Variants in EPC1 observed in about 807,000 individuals in gnomAD.
The protein encoded by EPC1 is enhancer of polycomb homolog 1.
Under a neutral mutation model 98.4 loss-of-function variants are expected in EPC1, and 12 were observed. The ratio of observed to expected loss-of-function variants is 0.12; its 90% CI spans 0.08 to 0.20. The LOEUF is 0.20. EPC1 is among the 10% of genes least tolerant of loss of function. EPC1 has a pLI of 1.00. For missense variants in EPC1, 729 were observed against 990.5 expected (o/e 0.74, Z 3.54); for synonymous variants, 357 against 363.9 (o/e 0.98, Z 0.21).
intron 1 of EPC1, among the ~76,000 whole-genome samples, chr10:32,336,804 C>G (rs1420623341): frequency 6.6e-6 from 1 of 152,050 alleles, no homozygotes; most frequent in African/African-American, 2.4e-5. Context: ...TTAAATGGAT[C>G]CAGGAGAGAC....
chr10:32,326,178 C>T (rs781460277), intron 1 of EPC1, among the ~76,000 whole-genome samples: 4 of 152,124 alleles, frequency 2.6e-5, no homozygotes, highest in African/African-American at 9.7e-5. Context: ...TACACAAAAA[C>T]GAATACTGAA....
intron 1 of EPC1, among the ~76,000 whole-genome samples, chr10:32,364,001 CATTTTTTTTT>C (rs1161123966): frequency 9.7e-5 from 6 of 61,838 alleles, no homozygotes; most frequent in African/African-American, 1.1e-4. Flanking sequence ...ATCATGTTGG[CATTTTTTTTT>C]TTTTTTTTTT....
At chr10:32,297,246 C>A (rs12219178) in intron 2 of EPC1, among the ~76,000 whole-genome samples, 1 of 149,276 alleles carries the variant, frequency 6.7e-6, no homozygotes, top group Non-Finnish European at 1.5e-5. Context: ...TAATTAAGTT[C>A]TATCAATTAA....
At chr10:32,301,083 TA>T (rs1395517122) in intron 2 of EPC1, among the ~76,000 whole-genome samples, 56 of 151,274 alleles carry the variant, frequency 3.7e-4, no homozygotes, top group African/African-American at 1.3e-3. Context: ...TCTATCTATC[TA>T]TCTATCTGCC....
chr10:32,351,645 C>T (rs189844939), upstream of EPC1, among the ~76,000 whole-genome samples: 79 of 151,398 alleles, frequency 5.2e-4, no homozygotes, highest in Non-Finnish European at 1.0e-3. Context: ...GCAATAAGAG[C>T]GAAACTCCAT....
upstream of EPC1, among the ~76,000 whole-genome samples, chr10:32,348,596 C>T (rs183779860): frequency 6.6e-6 from 1 of 152,274 alleles, no homozygotes; most frequent in Admixed American, 6.5e-5. Flanking sequence ...TACTTAAACT[C>T]CGATATTGGC....
At position 32,268,585 on chromosome 10, in the gene EPC1, A is replaced by C. The variant is rs1018698294; in HGVS notation, c.*478T>G. 1 of 152,118 alleles carries C rather than the reference A, an allele frequency of 6.6e-6. No homozygotes were observed. The highest frequency in any genetic ancestry group is 2.4e-5 in the African/African-American group (1 of 41,372). 9.4% of individuals were successfully genotyped at this position (152,118 alleles called of 1,614,324 possible). A position where few individuals can be genotyped will look rare whatever the true frequency, so the allele number is the denominator to read the frequency against. ...ACCAAGGAGTCCACAGCTACCTAACACATTTACTACAGCACAGGAACCAAT... is the reference window on the plus strand; with the variant it reads ...ACCAAGGAGTCCACAGCTACCTAACCCATTTACTACAGCACAGGAACCAAT... On this transcript the variant is annotated 3_prime_UTR_variant, in exon 14 of 14. Transcript: ENST00000319778.
chr10:32,356,265 ATATT>A (rs1162434784), intron 1 of EPC1, among the ~76,000 whole-genome samples: 1 of 152,184 alleles, frequency 6.6e-6, no homozygotes, highest in African/African-American at 2.4e-5. Flanking sequence ...ATCTTTCACT[ATATT>A]TATTCTTCTC....
Position 32,284,835 on chromosome 10 carries a change from A to G in EPC1, c.1607T>C (p.Leu536Pro). 6.2e-7 allele frequency: 1 copy of G among 1,614,176 alleles called. No individual in the cohort carries two copies. Among genetic ancestry groups the G allele is most frequent in the Non-Finnish European group, 8.5e-7 (1 of 1,180,016 alleles). The change falls in exon 10 of 14, where the codon CTA (leucine) becomes CCA (proline). Residue 536 changes from leucine (L) to proline (P), a missense_variant. Around this residue, in one of 6 missense-constraint regions of EPC1, gnomAD observed 390 missense variants for 438.6 expected, o/e 0.89. Transcript: ENST00000319778. ...WRHFRPRTPS[L>P]HDSDNDELSC... ...GAGTTCATCATTGTCACTGTCATGT[A>G]GGGATGGTGTCCGAGGCCTAAAATG...
chr10:32,318,585 C>T (rs548303872), intron 1 of EPC1, among the ~76,000 whole-genome samples: 62 of 152,150 alleles, frequency 4.1e-4, no homozygotes, highest in African/African-American at 1.3e-3. Context: ...CACATAACAT[C>T]GACACCCCTG....
chr10:32,269,211 A>T, intron 13 of EPC1, 76 bp from the exon 14 acceptor site: 1 of 1,305,224 alleles, frequency 7.7e-7, no homozygotes, highest in Non-Finnish European at 1.1e-6. Flanking sequence ...TTCCCAACAA[A>T]AAGTTTATTT....
chr10:32,284,634 A>C, intron 10 of EPC1, 64 bp downstream of exon 10: 1 of 1,347,030 alleles, frequency 7.4e-7, no homozygotes, highest in South Asian at 1.4e-5. Flanking sequence ...ACATAGTCGA[A>C]CAAATGGGAA....
chr10:32,303,694 T>C (rs1345057293), intron 2 of EPC1, among the ~76,000 whole-genome samples: 1 of 152,228 alleles, frequency 6.6e-6, no homozygotes, highest in Admixed American at 6.5e-5. Context: ...CTGCTGGTGA[T>C]GGTGCAGGTG....
At chr10:32,341,051 A>G (rs934141214) in intron 1 of EPC1, among the ~76,000 whole-genome samples, 3 of 152,028 alleles carry the variant, frequency 2.0e-5, no homozygotes, top group Non-Finnish European at 4.4e-5. Context: ...GACACGCTCA[A>G]TTCTTTTTAT....
At chr10:32,291,548 G>GCTGTACAT (rs1834850279) in intron 5 of EPC1, 1 of 329,820 alleles carries the variant, frequency 3.0e-6, no homozygotes, top group African/African-American at 2.1e-5. Flanking sequence ...TGTACATTAG[G>GCTGTACAT]TCTCCAGAAT....
At chr10:32,298,676 G>C (rs113660245) in intron 2 of EPC1, among the ~76,000 whole-genome samples, 3 of 152,294 alleles carry the variant, frequency 2.0e-5, no homozygotes, top group South Asian at 2.1e-4. Flanking sequence ...TTGCTTAAAA[G>C]CTAGAGCTTG....
chr10:32,365,397 T>C (rs1839570167), intron 1 of EPC1, among the ~76,000 whole-genome samples: 1 of 152,172 alleles, frequency 6.6e-6, no homozygotes, highest in African/African-American at 2.4e-5. Context: ...AGAATTTCTA[T>C]GTAAGAAAAT....
chr10:32,346,145 T>C (rs1418734656), intron 1 of EPC1, among the ~76,000 whole-genome samples: 1 of 152,194 alleles, frequency 6.6e-6, no homozygotes, highest in African/African-American at 2.4e-5. Flanking sequence ...ACCCTCGACA[T>C]TTCCTTGCAG....
chr10:32,271,718 A>G lies in EPC1; in HGVS notation c.2205T>C (p.Thr735=). 1.2e-6 allele frequency: 2 copies of G among 1,614,204 alleles called. No individual in the cohort carries two copies. Among genetic ancestry groups the G allele is most frequent in the Non-Finnish European group, 1.7e-6 (2 of 1,180,034 alleles). Residue 735 remains threonine (T), a synonymous_variant, in exon 13 of 14, where the codon ACT becomes ACC. Transcript: ENST00000319778. ...TTACAGTGGCAACTGATGAAGGTAC[A>G]GTTAATCGAATGTTGTTCCCAATCA... ...QVLIGNNIRL[T]VPSSVATVNS...
Sources: allele counts gnomAD v4.1 joint callset (sites outside exome capture counted in the v4.1 genomes callset), GRCh38; gene constraint gnomAD v4.1.1; regional missense constraint gnomAD v4.1.1; transcripts MANE v1.5; gene names NCBI Gene and HGNC (gene_info 2026-07-23, HGNC 2026-07-21).